Variants in VCP observed in about 807,000 individuals in gnomAD.
VCP encodes valosin containing protein.
A neutral mutation model predicts 85.7 loss-of-function variants in VCP; 6 were observed. That is an observed-to-expected ratio of 0.07 (90% CI 0.04 to 0.14). VCP has a LOEUF of 0.14. Ranked by LOEUF, VCP falls within the 10% of genes least tolerant of loss-of-function variation. VCP has a pLI of 1.00. For missense variants in VCP, 353 were observed against 1,043.4 expected, an observed-to-expected ratio of 0.34 and a Z score of 9.12; for synonymous variants, 384 against 367.1, an observed-to-expected ratio of 1.05 and a Z score of -0.53.
intron 7 of VCP, among the ~76,000 whole-genome samples, chr9:35,062,576 A>G (rs1222718392): frequency 2.6e-5 from 4 of 152,158 alleles, no homozygotes; most frequent in Non-Finnish European, 5.9e-5. Context: ...GTTGAACTGT[A>G]AAGGTGACAG....
rs375649091 is a variant in VCP at position 35,060,826 on chromosome 9, T to A, written c.1457A>T (p.Lys486Ile). 1.2e-6 allele frequency: 2 copies of A among 1,614,078 alleles called. No homozygotes were observed. Among genetic ancestry groups the A allele is most frequent in the African/African-American group, 2.7e-5 (2 of 74,926 alleles). The change falls in exon 12 of 17, where the codon AAA (lysine) becomes ATA (isoleucine). Residue 486 changes from lysine to isoleucine, a missense_variant. By Grantham distance (102) the Lys-to-Ile change is moderately radical (BLOSUM62 -3). Transcript: ENST00000358901. ...WEDIGGLEDV[K>I]RELQELVQYP... ...CTGGACCAGCTCCTGTAGCTCACGT[T>A]TGACATCCTCTAGGCCCCCGATGTC...
rs561343814 is a variant in VCP, at chr9:35,057,368, C to G, written c.2315+8G>C. The G allele has an allele frequency of 4.3e-6, 7 of 1,614,250 alleles. No individual in the cohort carries two copies. The East Asian group carries it at 1.1e-4, about 26-fold the overall frequency. On this transcript the variant is annotated splice_region_variant and intron_variant, in intron 16 of 16. Transcript: ENST00000358901. ...TTAAGCACTGTCTAATGCTCCCAAC[C>G]AACTTACCTGAAGCTGCCAAAGCCC...
At chr9:35,064,462 G>T (rs1587126250) in intron 5 of VCP, among the ~76,000 whole-genome samples, 177 bp from the exon 6 acceptor site, 1 of 152,134 alleles carries the variant, frequency 6.6e-6, no homozygotes, top group Non-Finnish European at 1.5e-5. Context: ...GAGGTGGGAG[G>T]AATGCTTGAG....
chr9:35,058,762 G>A (rs1280230969), intron 15 of VCP, among the ~76,000 whole-genome samples: 1 of 151,448 alleles, frequency 6.6e-6, no homozygotes, highest in East Asian at 1.9e-4. Context: ...GTGAGACTTC[G>A]TCTCAAAAAA....
chr9:35,072,587 G>T lies in VCP; in HGVS notation c.-234C>A. ...TGGCAGTGGCAGCGGCAGCGGCAGC[G>T]ACGACTCAAACGACGGTCGCAGACG... is the stretch of plus-strand genomic sequence containing the variant. On this transcript the variant is annotated 5_prime_UTR_variant, in exon 1 of 17. Transcript: ENST00000358901. 1 of 500,164 alleles carries T rather than the reference G, an allele frequency of 2.0e-6. No homozygotes were observed. The highest frequency in any genetic ancestry group is 3.4e-6 in the Non-Finnish European group (1 of 293,400). 31.0% of individuals were successfully genotyped at this position (500,164 alleles called of 1,614,324 possible).
intron 1 of VCP, 114 bp downstream of exon 1, chr9:35,072,223 T>C: frequency 6.9e-7 from 1 of 1,457,048 alleles, no homozygotes; most frequent in Non-Finnish European, 9.1e-7. Flanking sequence ...CCCTTCCCTC[T>C]TTCCTGGTCT....
chr9:35,066,112 C>T (rs1381032632), intron 4 of VCP, among the ~76,000 whole-genome samples: 8 of 150,410 alleles, frequency 5.3e-5, no homozygotes, highest in East Asian at 4.0e-4. Context: ...GGGGACAGCG[C>T]GACACTCTGT....
chr9:35,071,663 C>G, intron 1 of VCP: 2 of 969,672 alleles, frequency 2.1e-6, no homozygotes, highest in Non-Finnish European at 2.5e-6. Flanking sequence ...GTATGAACAA[C>G]AGGCCTAAAG....
chr9:35,068,524 C>CT (rs1184402707), intron 1 of VCP, among the ~76,000 whole-genome samples, 162 bp from the exon 2 acceptor site: 3 of 152,176 alleles, frequency 2.0e-5, no homozygotes, highest in African/African-American at 7.2e-5. Flanking sequence ...GCAGTATCTA[C>CT]CATACATATT....
chr9:35,065,755 C>T (rs182998839), intron 4 of VCP, among the ~76,000 whole-genome samples: 2 of 152,222 alleles, frequency 1.3e-5, no homozygotes, highest in East Asian at 3.9e-4. Context: ...ATAAAGATAG[C>T]TTACTCTCCT....
chr9:35,062,410 A>G, intron 7 of VCP, 60 bp from the exon 8 acceptor site: 1 of 1,612,624 alleles, frequency 6.2e-7, no homozygotes, highest in Non-Finnish European at 8.5e-7. Flanking sequence ...TTCCTCCCAA[A>G]AATCAGTTAT....
At chr9:35,071,743 C>A in intron 1 of VCP, 1 of 989,546 alleles carries the variant, frequency 1.0e-6, no homozygotes, top group East Asian at 1.1e-4. Flanking sequence ...AGGTCACACA[C>A]AGAGGATGCC....
chr9:35,070,033 G>A (rs1221584855), intron 1 of VCP, among the ~76,000 whole-genome samples: 1 of 152,164 alleles, frequency 6.6e-6, no homozygotes, highest in African/African-American at 2.4e-5. Context: ...AGGAAGCCAT[G>A]GGGTTCTTAC....
chr9:35,068,616 G>T (rs185906221), intron 1 of VCP, among the ~76,000 whole-genome samples: 1 of 152,162 alleles, frequency 6.6e-6, no homozygotes, highest in Admixed American at 6.5e-5. Flanking sequence ...TCCTGCCCCA[G>T]GGTCAGAAAA....
At chr9:35,057,755 G>C in intron 15 of VCP, 1 of 607,000 alleles carries the variant, frequency 1.6e-6, no homozygotes, top group South Asian at 1.9e-5. Flanking sequence ...ATCAGTGATG[G>C]GGCTTAAGGA....
At chr9:35,058,196 T>C (rs1017705660) in intron 15 of VCP, among the ~76,000 whole-genome samples, 3 of 152,176 alleles carry the variant, frequency 2.0e-5, no homozygotes, top group Admixed American at 6.5e-5. Context: ...CTCCTAGGAT[T>C]AGTTCATCAG....
rs1828617978 is a variant in VCP at position 35,056,887 on chromosome 9, G to A, written c.*230C>T. The stretch of plus-strand genomic sequence containing the variant: ...TAGGCCCAAGGCCCAATTCCCTGTT[G>A]GTAATTCACTCTCCGCCTACCAAAT... On this transcript the variant is annotated 3_prime_UTR_variant, in exon 17 of 17. Transcript: ENST00000358901. 1 of 524,186 alleles carries A rather than the reference G, an allele frequency of 1.9e-6. No individual in the cohort carries two copies. 32.5% of individuals were successfully genotyped at this position (524,186 alleles called of 1,614,324 possible). A position where few individuals can be genotyped will look rare whatever the true frequency, so the allele number is the denominator to read the frequency against.
chr9:35,057,613 T>C (rs1258391672), intron 15 of VCP, 83 bp from the exon 16 acceptor site: 16 of 1,567,326 alleles, frequency 1.0e-5, no homozygotes, highest in East Asian at 2.2e-5. Flanking sequence ...CTGCAGTTTA[T>C]TGGTCTCCTT....
chr9:35,059,800 G>C lies in VCP; in HGVS notation c.1697C>G (p.Ala566Gly). The C allele has an allele frequency of 6.2e-7, 1 of 1,614,112 alleles. No homozygotes were observed. Among genetic ancestry groups the C allele is most frequent in the Non-Finnish European group, 8.5e-7 (1 of 1,180,036 alleles). ...EANVREIFDKARQAAPCVLFF... is the reference protein window; with the variant it reads ...EANVREIFDKGRQAAPCVLFF... Reference sequence around the variant, plus strand: ...TAGCACACAGGGGGCAGCTTGGCGGGCCTGTAGGAGGAATGGATTGATTCA... The same window carrying C: ...TAGCACACAGGGGGCAGCTTGGCGGCCCTGTAGGAGGAATGGATTGATTCA... Residue 566 changes from alanine to glycine, a missense_variant and splice_region_variant, in exon 14 of 17, where the codon GCC becomes GGC. Physicochemically the swap from Ala to Gly is moderately conservative, Grantham distance 60 (BLOSUM62 0). Transcript: ENST00000358901. The surrounding 1 kb of genome is among the most constrained non-coding windows in gnomAD (Gnocchi z 4.9).
Sources: allele counts gnomAD v4.1 joint callset (sites outside exome capture counted in the v4.1 genomes callset), GRCh38; gene constraint gnomAD v4.1.1; non-coding constraint Gnocchi (gnomAD v3.1); transcripts MANE v1.5; gene names NCBI Gene and HGNC (gene_info 2026-07-23, HGNC 2026-07-21).